The following CDH12 variants were observed in gnomAD, a reference collection of about 807,000 sequenced individuals.
The protein encoded by CDH12 is cadherin 12.
Under a neutral mutation model 74.1 loss-of-function variants are expected in CDH12, and 41 were observed. That is an observed-to-expected ratio of 0.55 (90% CI 0.43 to 0.72). The LOEUF (loss-of-function observed/expected upper bound fraction) is 0.72. Ranked by LOEUF, CDH12 falls within the 30% of genes least tolerant of loss-of-function variation. The pLI is 0.00. For synonymous variants in CDH12, 399 were observed against 355.0 expected (o/e 1.12, Z -1.39); for missense variants, 945 against 977.2 (o/e 0.97, Z 0.44).
At chr5:22,586,978 C>T (rs1257094062) in intron 1 of CDH12, among the ~76,000 whole-genome samples, 13 of 151,342 alleles carry the variant, frequency 8.6e-5, no homozygotes, top group Non-Finnish European at 1.3e-4. Context: ...TTCCAAGTAG[C>T]TGAGATTATA....
intron 3 of CDH12, among the ~76,000 whole-genome samples, chr5:22,220,606 A>T (rs1049407194): frequency 6.6e-6 from 1 of 151,338 alleles, no homozygotes; most frequent in Non-Finnish European, 1.5e-5. Context: ...GAAAGGGATA[A>T]TTTTTCTTTA....
intron 11 of CDH12, among the ~76,000 whole-genome samples, chr5:21,773,758 T>A (rs926342474): frequency 6.6e-6 from 1 of 152,174 alleles, no homozygotes; most frequent in African/African-American, 2.4e-5. Flanking sequence ...TCACCCTTAT[T>A]TTGTTAAGAA....
intron 2 of CDH12, among the ~76,000 whole-genome samples, chr5:22,488,480 T>G (rs1371738972): frequency 6.6e-6 from 1 of 152,220 alleles, no homozygotes; most frequent in African/African-American, 2.4e-5. Context: ...TTTTACATTT[T>G]GGGGCTTCAC....
At chr5:22,442,924 A>G (rs1744682845) in intron 2 of CDH12, among the ~76,000 whole-genome samples, 1 of 152,158 alleles carries the variant, frequency 6.6e-6, no homozygotes, top group Admixed American at 6.6e-5. Flanking sequence ...TCACAAACAC[A>G]ATTTGTATAT....
intron 1 of CDH12, among the ~76,000 whole-genome samples, chr5:22,751,996 A>G (rs1745602197): frequency 6.6e-6 from 1 of 152,292 alleles, no homozygotes; most frequent in South Asian, 2.1e-4. Context: ...GTCTAAACAA[A>G]GTGAGCTCAC....
chr5:22,120,120 T>C (rs1163392558), intron 4 of CDH12, among the ~76,000 whole-genome samples: 1 of 152,182 alleles, frequency 6.6e-6, no homozygotes, highest in Non-Finnish European at 1.5e-5. Context: ...GAATCATCAC[T>C]TTCTTTTTTG....
At chr5:22,842,591 G>A (rs1458674840) in intron 1 of CDH12, among the ~76,000 whole-genome samples, 1 of 152,120 alleles carries the variant, frequency 6.6e-6, no homozygotes, top group East Asian at 1.9e-4. Flanking sequence ...GGTTAGTCAG[G>A]ATAAAGACAA....
intron 1 of CDH12, among the ~76,000 whole-genome samples, chr5:22,544,427 C>CATAT (rs1738229467): frequency 1.3e-5 from 2 of 152,032 alleles, no homozygotes; most frequent in African/African-American, 4.8e-5. Flanking sequence ...GGTCTTTTAC[C>CATAT]ATATGTTCAA....
At position 22,313,653 on chromosome 5, in the gene CDH12, A is replaced by G. The variant is rs77085503; in HGVS notation, c.-333+91604T>C. ...AGTGGAACACTAGGCAGCCATTAAA[A>G]GGAACAAAACAATATCTTTTGCAGC... On this transcript the variant is annotated intron_variant, in intron 3 of 14. Transcript: ENST00000382254. 1.3e-3 allele frequency among the ~76,000 whole-genome samples: 198 copies of G among 152,374 alleles called. 2 individuals carry two copies. In the East Asian group the frequency reaches 0.036, roughly 28 times the overall value.
intron 6 of CDH12, among the ~76,000 whole-genome samples, chr5:21,960,157 A>G (rs1241537445): frequency 6.6e-6 from 1 of 152,150 alleles, no homozygotes; most frequent in African/African-American, 2.4e-5. Flanking sequence ...AATGATATTC[A>G]GGATCTGAAC....
intron 2 of CDH12, among the ~76,000 whole-genome samples, chr5:22,436,399 C>T (rs1451848267): frequency 1.3e-5 from 2 of 150,626 alleles, no homozygotes; most frequent in Non-Finnish European, 3.0e-5. Flanking sequence ...TGTAACAAAC[C>T]TGCACGTTGT....
At chr5:22,245,460 T>C (rs969489325) in intron 3 of CDH12, among the ~76,000 whole-genome samples, 9 of 152,022 alleles carry the variant, frequency 5.9e-5, no homozygotes, top group African/African-American at 1.7e-4. Flanking sequence ...CATTTAAAAA[T>C]ATAATCTTGG....
At chr5:21,990,189 A>C (rs1300239217) in intron 5 of CDH12, among the ~76,000 whole-genome samples, 1 of 152,150 alleles carries the variant, frequency 6.6e-6, no homozygotes, top group Non-Finnish European at 1.5e-5. Context: ...CACAGATCAC[A>C]TGGTCCATGC....
intron 12 of CDH12, among the ~76,000 whole-genome samples, chr5:21,762,411 T>C (rs370482374): frequency 2.0e-5 from 3 of 152,094 alleles, no homozygotes; most frequent in South Asian, 2.1e-4. Context: ...AGATAATAGA[T>C]AGTAGCATAA....
intron 3 of CDH12, among the ~76,000 whole-genome samples, chr5:22,311,238 G>A (rs1434439464): frequency 6.6e-6 from 1 of 152,146 alleles, no homozygotes; most frequent in African/African-American, 2.4e-5. Context: ...CTGATTAGGA[G>A]CAATTACAAG....
At chr5:22,629,148 C>G (rs963527058) in intron 1 of CDH12, among the ~76,000 whole-genome samples, 1 of 151,950 alleles carries the variant, frequency 6.6e-6, no homozygotes, top group African/African-American at 2.4e-5. Flanking sequence ...TAGATGGATG[C>G]ACAGCCAGGT....
intron 4 of CDH12, among the ~76,000 whole-genome samples, chr5:22,146,621 A>G (rs1285637756): frequency 6.6e-6 from 1 of 152,194 alleles, no homozygotes; most frequent in Admixed American, 6.5e-5. Flanking sequence ...CTAGTTACCT[A>G]GAAAACAAAT....
At chr5:21,880,616 C>CTTCCTTCCTTCCTTTCTTCTTTCTTTCCT (rs758455941) in intron 6 of CDH12, among the ~76,000 whole-genome samples, 2 of 50,810 alleles carry the variant, frequency 3.9e-5, no homozygotes, top group African/African-American at 1.8e-4. Context: ...TCCTTCCTTC[C>CTTCCTTCCTTCCTTTCTTCTTTCTTTCCT]TTCTTTCTTT....
chr5:21,976,598 A>C (rs2150123876), intron 5 of CDH12, among the ~76,000 whole-genome samples: 1 of 151,672 alleles, frequency 6.6e-6, no homozygotes, highest in Admixed American at 6.6e-5. Context: ...TTTTATGCAG[A>C]TGTTGATTTA....
Sources: gnomAD v4.1 joint callset for allele counts (sites outside exome capture counted in the v4.1 genomes callset) on GRCh38, gnomAD v4.1.1 for gene constraint, MANE v1.5 for transcripts, NCBI Gene and HGNC (gene_info 2026-07-23, HGNC 2026-07-21) for gene names.